The following NRXN3 variants were observed in gnomAD, a reference collection of about 807,000 sequenced individuals.
NRXN3 encodes neurexin III.
NRXN3 carries 32 observed loss-of-function variants against 137.6 expected under a neutral mutation model. The ratio of observed to expected loss-of-function variants is 0.23; its 90% CI spans 0.18 to 0.31. The LOEUF (loss-of-function observed/expected upper bound fraction) is 0.31. Ranked by LOEUF, NRXN3 falls within the 10% of genes least tolerant of loss-of-function variation. NRXN3 has a pLI of 1.00. For missense variants in NRXN3, 1,574 were observed against 2,062.5 expected, an observed-to-expected ratio of 0.76 and a Z score of 4.59; for synonymous variants, 798 against 784.5, an observed-to-expected ratio of 1.02 and a Z score of -0.29.
chr14:79,240,192 A>G lies in NRXN3; in HGVS notation c.3263-227029A>G, dbSNP rs531948035. On this transcript the variant is annotated intron_variant, in intron 15 of 20. Transcript: ENST00000335750. Reference sequence around the variant, plus strand: ...TGCAATTATAGTATGCCCAAAAATAATCTCTAAGTCTTCTTTTTAAATTTT... The same window carrying G: ...TGCAATTATAGTATGCCCAAAAATAGTCTCTAAGTCTTCTTTTTAAATTTT... Among the ~76,000 whole-genome samples the G allele has an allele frequency of 2.4e-3, 367 of 152,260 alleles. 3 individuals are homozygous for G. The highest frequency in any genetic ancestry group is 4.2e-3 in the Non-Finnish European group (289 of 68,008).
intron 15 of NRXN3, among the ~76,000 whole-genome samples, chr14:79,161,929 T>C (rs10141718): frequency 2.3e-4 from 35 of 151,756 alleles, no homozygotes; most frequent in African/African-American, 7.7e-4. Flanking sequence ...TAGAAACAAG[T>C]GGTAAAGACA....
At chr14:79,844,489 A>C (rs1260903352) in intron 20 of NRXN3, among the ~76,000 whole-genome samples, 2 of 152,042 alleles carry the variant, frequency 1.3e-5, no homozygotes, top group East Asian at 3.9e-4. Flanking sequence ...TGATCCATGC[A>C]CAGCAGAATG....
intron 17 of NRXN3, among the ~76,000 whole-genome samples, chr14:79,668,806 C>T (rs2098587112): frequency 6.6e-6 from 1 of 151,988 alleles, no homozygotes; most frequent in Non-Finnish European, 1.5e-5. Context: ...TGCCAAATAC[C>T]CTCTGGTCAG....
intron 4 of NRXN3, among the ~76,000 whole-genome samples, chr14:78,317,121 T>C (rs928708750): frequency 6.6e-6 from 1 of 152,190 alleles, no homozygotes; most frequent in African/African-American, 2.4e-5. Flanking sequence ...TGAGAACCGA[T>C]GGTGTCAATC....
rs148572684 is a variant in NRXN3 at position 78,466,225 on chromosome 14, A to G, written c.757+168365A>G. 1.5e-4 allele frequency among the ~76,000 whole-genome samples: 23 copies of G among 152,354 alleles called. No homozygotes were observed. The East Asian group carries it at 3.5e-3, about 23-fold the overall frequency. ...ACAACAAACCTATTGTCTTCAAAAA[A>G]ATAAAAAGTAACAATAGAATCATTG... On this transcript the variant is annotated intron_variant, in intron 4 of 20. Transcript: ENST00000335750.
At chr14:78,866,320 A>C (rs1416213414) in intron 10 of NRXN3, among the ~76,000 whole-genome samples, 1 of 152,224 alleles carries the variant, frequency 6.6e-6, no homozygotes, top group Non-Finnish European at 1.5e-5. Flanking sequence ...AAATTAGAAT[A>C]GTGATGGCTA....
intron 4 of NRXN3, among the ~76,000 whole-genome samples, chr14:78,609,284 C>A (rs937708405): frequency 6.6e-6 from 1 of 150,784 alleles, no homozygotes; most frequent in African/African-American, 2.5e-5. Context: ...CATGAGATAA[C>A]CTCCATGAAA....
In NRXN3 at chr14:79,783,306, AG is replaced by A. The variant is rs147436716; in HGVS notation, c.4015-21804del. On this transcript the variant is annotated intron_variant, in intron 19 of 20. Transcript: ENST00000335750. ...TTCAGCTAACTGATCATTAACTAGGAGGAAATGTGTGACCCAGAAGGTCATT... is the reference window on the plus strand; with the variant it reads ...TTCAGCTAACTGATCATTAACTAGGAGAAATGTGTGACCCAGAAGGTCATT... Among the ~76,000 whole-genome samples the A allele has an allele frequency of 1.2e-3, 176 of 152,316 alleles. 1 individual carries two copies. Among genetic ancestry groups the A allele is most frequent in the African/African-American group, 3.5e-3 (145 of 41,574 alleles).
chr14:79,785,035 TA>T (rs1221338565), intron 19 of NRXN3, among the ~76,000 whole-genome samples: 2 of 152,180 alleles, frequency 1.3e-5, no homozygotes, highest in East Asian at 3.9e-4. Context: ...CACCTTCTCA[TA>T]AAAGTGTTAG....
intron 4 of NRXN3, among the ~76,000 whole-genome samples, chr14:78,317,653 A>C (rs1297389678): frequency 6.6e-6 from 1 of 152,080 alleles, no homozygotes; most frequent in Non-Finnish European, 1.5e-5. Flanking sequence ...AATTTGCTTC[A>C]CTCAGTTCAC....
chr14:78,920,148 C>T (rs546251104), intron 10 of NRXN3, among the ~76,000 whole-genome samples: 1 of 152,312 alleles, frequency 6.6e-6, no homozygotes, highest in Admixed American at 6.5e-5. Flanking sequence ...ACCTGGAGCT[C>T]TGTCTCATGT....
At chr14:78,293,502 C>G (rs536454246) in intron 3 of NRXN3, among the ~76,000 whole-genome samples, 1 of 152,256 alleles carries the variant, frequency 6.6e-6, no homozygotes, top group Admixed American at 6.5e-5. Context: ...CCCCCAGTCT[C>G]CCATCCACCA....
At position 78,229,838 on chromosome 14, in the gene NRXN3, G is replaced by A. The variant is rs114092613; in HGVS notation, c.-703-12553G>A. Among the ~76,000 whole-genome samples the A allele has an allele frequency of 7.5e-3, 1,147 of 152,200 alleles. 15 individuals are homozygous for A. The highest frequency in any genetic ancestry group is 0.026 in the African/African-American group (1,096 of 41,516). On this transcript the variant is annotated intron_variant, in intron 1 of 20. Coordinates refer to ENST00000335750, the MANE Select transcript of NRXN3 (RefSeq NM_001330195.2). Reference sequence around the variant, plus strand: ...TGTCTTCCTACAGGACACAGTGTGAGGGTTGGTAGCACCATATACTCTCTA... The same window carrying A: ...TGTCTTCCTACAGGACACAGTGTGAAGGTTGGTAGCACCATATACTCTCTA...
At chr14:79,041,251 C>T (rs1041454561) in intron 15 of NRXN3, among the ~76,000 whole-genome samples, 1 of 152,110 alleles carries the variant, frequency 6.6e-6, no homozygotes, top group African/African-American at 2.4e-5. Flanking sequence ...GCATAATAAT[C>T]CATAGTTCAG....
chr14:79,430,425 C>T (rs771754502), intron 15 of NRXN3, among the ~76,000 whole-genome samples: 59 of 152,136 alleles, frequency 3.9e-4, no homozygotes, highest in Non-Finnish European at 1.0e-4. Context: ...TTTATTTGTG[C>T]AAATGGTAGT....
At chr14:79,153,944 C>T (rs1169865508) in intron 15 of NRXN3, among the ~76,000 whole-genome samples, 2 of 151,960 alleles carry the variant, frequency 1.3e-5, no homozygotes, top group African/African-American at 4.8e-5. Flanking sequence ...TATGACACTC[C>T]TTGCATTGCC....
intron 8 of NRXN3, among the ~76,000 whole-genome samples, chr14:78,771,488 G>C (rs2098727739): frequency 6.6e-6 from 1 of 152,206 alleles, no homozygotes; most frequent in African/African-American, 2.4e-5. Context: ...ATTTCTGATG[G>C]CCTCTTCAAG....
intron 10 of NRXN3, among the ~76,000 whole-genome samples, chr14:78,870,342 T>G (rs1295776818): frequency 4.6e-5 from 7 of 152,224 alleles, no homozygotes; most frequent in Non-Finnish European, 7.3e-5. Flanking sequence ...ATAACATGGA[T>G]AGATCATCCT....
chr14:78,718,793 G>A (rs2098446191), intron 8 of NRXN3, among the ~76,000 whole-genome samples: 1 of 152,042 alleles, frequency 6.6e-6, no homozygotes, highest in Non-Finnish European at 1.5e-5. Flanking sequence ...TATTTTTGTT[G>A]GCTATTCATA....
Sources: gnomAD v4.1 joint callset for allele counts (sites outside exome capture counted in the v4.1 genomes callset) on GRCh38, gnomAD v4.1.1 for gene constraint, MANE v1.5 for transcripts, NCBI Gene and HGNC (gene_info 2026-07-23, HGNC 2026-07-21) for gene names.